The following PCSK2 variants were observed in gnomAD, a reference collection of about 807,000 sequenced individuals.
PCSK2 encodes the protein neuroendocrine convertase 2.
A neutral mutation model predicts 69.7 loss-of-function variants in PCSK2; 14 were observed. The ratio of observed to expected loss-of-function variants is 0.20; its 90% CI spans 0.13 to 0.31. The LOEUF is 0.31. PCSK2 is among the 10% of genes least tolerant of loss of function. The pLI, the probability that PCSK2 is intolerant of heterozygous loss-of-function variation, is 1.00. For synonymous variants in PCSK2, 307 were observed against 320.7 expected (o/e 0.96, Z 0.46); for missense variants, 544 against 842.5 (o/e 0.65, Z 4.39).
intron 2 of PCSK2, among the ~76,000 whole-genome samples, chr20:17,306,738 C>T (rs551075266): frequency 1.2e-4 from 19 of 152,282 alleles, no homozygotes; most frequent in Admixed American, 2.6e-4. Flanking sequence ...ATCTTTTTAA[C>T]GTCCTATGTA....
intron 6 of PCSK2, among the ~76,000 whole-genome samples, chr20:17,412,445 A>G (rs895322268): frequency 6.6e-6 from 1 of 152,238 alleles, no homozygotes; most frequent in Non-Finnish European, 1.5e-5. Flanking sequence ...TTGAAGATCA[A>G]ATTAATGAAA....
At chr20:17,318,748 C>T (rs1359148404) in intron 2 of PCSK2, among the ~76,000 whole-genome samples, 1 of 152,254 alleles carries the variant, frequency 6.6e-6, no homozygotes, top group Non-Finnish European at 1.5e-5. Context: ...CTGAAGCCTG[C>T]TTCTGCTTTC....
intron 6 of PCSK2, among the ~76,000 whole-genome samples, chr20:17,424,067 T>A (rs1308361884): frequency 1.3e-5 from 2 of 152,230 alleles, no homozygotes; most frequent in African/African-American, 4.8e-5. Context: ...AACTATTCCT[T>A]ATGGGTACAT....
intron 2 of PCSK2, among the ~76,000 whole-genome samples, chr20:17,261,281 T>A (rs539764562): frequency 2.2e-4 from 33 of 152,306 alleles, no homozygotes; most frequent in African/African-American, 7.7e-4. Context: ...ATGAAAAGCG[T>A]GTCAGATGTT....
intron 2 of PCSK2, among the ~76,000 whole-genome samples, chr20:17,356,506 T>C (rs1261754064): frequency 6.6e-6 from 1 of 152,172 alleles, no homozygotes; most frequent in African/African-American, 2.4e-5. Context: ...TGCAAGGCAG[T>C]GCAGTAAGGA....
At chr20:17,396,164 A>G (rs933350418) in intron 5 of PCSK2, among the ~76,000 whole-genome samples, 2 of 152,190 alleles carry the variant, frequency 1.3e-5, no homozygotes, top group Non-Finnish European at 2.9e-5. Context: ...TGGCTGCTAC[A>G]TTATCTTCTG....
At chr20:17,304,397 T>G (rs1989261074) in intron 2 of PCSK2, among the ~76,000 whole-genome samples, 1 of 152,148 alleles carries the variant, frequency 6.6e-6, no homozygotes, top group African/African-American at 2.4e-5. Context: ...GTTGGGGAGA[T>G]GGAATTTCAG....
chr20:17,334,667 C>A (rs902394254), intron 2 of PCSK2, among the ~76,000 whole-genome samples: 3 of 152,120 alleles, frequency 2.0e-5, no homozygotes, highest in Admixed American at 6.6e-5. Context: ...GGGTGGAGAA[C>A]AACACCTGGA....
chr20:17,348,006 AAGAAAGAG>A (rs1990730406), intron 2 of PCSK2, among the ~76,000 whole-genome samples: 1 of 113,910 alleles, frequency 8.8e-6, no homozygotes, highest in African/African-American at 3.8e-5. Context: ...AAGAGAAAGA[AAGAAAGAG>A]AGAAAAGAGA....
chr20:17,281,315 T>C (rs2123046104), intron 2 of PCSK2, among the ~76,000 whole-genome samples: 1 of 152,324 alleles, frequency 6.6e-6, no homozygotes, highest in East Asian at 1.9e-4. Context: ...ATCTAAACAC[T>C]TCTCCTGGCC....
chr20:17,230,121 C>G (rs950599908), intron 1 of PCSK2, among the ~76,000 whole-genome samples: 1 of 152,188 alleles, frequency 6.6e-6, no homozygotes, highest in Non-Finnish European at 1.5e-5. Flanking sequence ...TTTCATCATA[C>G]TGTTTTGTAC....
Position 17,465,447 on chromosome 20 carries a change from T to G in PCSK2, c.1324T>G (p.Phe442Val). The G allele has an allele frequency of 6.2e-7, 1 of 1,614,102 alleles. No individual in the cohort carries two copies. Among genetic ancestry groups the G allele is most frequent in the Non-Finnish European group, 8.5e-7 (1 of 1,179,986 alleles). Reference protein sequence around the residue: ...NGVGLEFNHLFGYGVLDAGAM... With the variant: ...NGVGLEFNHLVGYGVLDAGAM... ...GGTCGGCCTGGAATTTAATCACCTC[T>G]TTGGCTACGGGGTCCTTGATGCAGG... Residue 442 changes from phenylalanine (F) to valine (V), a missense_variant, in exon 11 of 12, where the codon TTT (phenylalanine) becomes GTT (valine). Around this residue, in one of 3 missense-constraint regions of PCSK2, gnomAD observed 200 missense variants for 287.8 expected, o/e 0.69. Coordinates refer to ENST00000262545, the MANE Select transcript of PCSK2 (RefSeq NM_002594.5).
rs1377990878 is a variant in PCSK2 at position 17,456,392 on chromosome 20, G to A, written c.1146G>A (p.Gly382=). The change falls in exon 10 of 12, where the codon GGG becomes GGA. Residue 382 remains glycine, a synonymous_variant. Transcript: ENST00000262545. ...LYGNCTLRHS[G]TSAAAPEAAG... ...GCAACTGCACTCTGAGGCATTCTGG[G>A]ACATCTGCAGCTGCCCCCGAGGCAG... is the stretch of plus-strand genomic sequence containing the variant. 1.9e-6 allele frequency: 3 copies of A among 1,613,236 alleles called. No homozygotes were observed. Among genetic ancestry groups the A allele is most frequent in the African/African-American group, 2.7e-5 (2 of 74,914 alleles).
At chr20:17,329,300 C>G in intron 2 of PCSK2, among the ~76,000 whole-genome samples, 1 of 152,240 alleles carries the variant, frequency 6.6e-6, no homozygotes, top group South Asian at 2.1e-4. Flanking sequence ...TTACAAGATG[C>G]TGTGTTCTAC....
At chr20:17,309,712 G>C (rs1989440053) in intron 2 of PCSK2, among the ~76,000 whole-genome samples, 1 of 152,106 alleles carries the variant, frequency 6.6e-6, no homozygotes, top group Admixed American at 6.6e-5. Flanking sequence ...CTGCTACTCG[G>C]GAGGATGAGG....
chr20:17,397,486 A>ATTT (rs11481580), intron 5 of PCSK2, among the ~76,000 whole-genome samples: 3 of 147,946 alleles, frequency 2.0e-5, no homozygotes, highest in African/African-American at 7.6e-5. Flanking sequence ...AATTCAATAT[A>ATTT]TTTTTTTTTT....
At chr20:17,350,532 C>G (rs6044750) in intron 2 of PCSK2, among the ~76,000 whole-genome samples, 8,543 of 151,876 alleles carry the variant, frequency 0.056, 799 homozygotes, top group African/African-American at 0.2. Flanking sequence ...TGATCATGGC[C>G]CAGGTCCTCA....
intron 2 of PCSK2, among the ~76,000 whole-genome samples, chr20:17,350,285 A>C (rs941222308): frequency 5.9e-5 from 9 of 151,334 alleles, no homozygotes; most frequent in Non-Finnish European, 8.8e-5. Flanking sequence ...AATAATTCTC[A>C]GTGGCACAAG....
intron 11 of PCSK2, among the ~76,000 whole-genome samples, chr20:17,476,610 T>A (rs1211830432): frequency 6.6e-6 from 1 of 152,210 alleles, no homozygotes. Context: ...GCATATATAA[T>A]GTATATGTAG....
Sources: gnomAD v4.1 joint callset for allele counts (sites outside exome capture counted in the v4.1 genomes callset) on GRCh38, gnomAD v4.1.1 for gene constraint, gnomAD v4.1.1 regional missense constraint, MANE v1.5 for transcripts, NCBI Gene and HGNC (gene_info 2026-07-23, HGNC 2026-07-21) for gene names.